The following CYGB variants were observed in gnomAD, a reference collection of about 807,000 sequenced individuals.
CYGB encodes histoglobin.
CYGB carries 13 observed loss-of-function variants against 20.7 expected under a neutral mutation model. That is an observed-to-expected ratio of 0.63 (90% CI 0.41 to 1.00). CYGB has a LOEUF of 1.00. CYGB is among the 50% of genes least tolerant of loss of function. The pLI, the probability that CYGB is intolerant of heterozygous loss-of-function variation, is 0.00. For synonymous variants in CYGB, 93 were observed against 107.4 expected (o/e 0.87, Z 0.83); for missense variants, 218 against 257.2 (o/e 0.85, Z 1.04).
At chr17:76,550,776 C>G (rs2143219785) in intron 1 of CYGB, 1 of 152,288 alleles carries the variant, frequency 6.6e-6, no homozygotes, top group Non-Finnish European at 1.5e-5. Context: ...AGCAGAAAAG[C>G]CAGACATACA....
At chr17:76,538,135 C>G (rs1161492840), upstream of CYGB, 2 of 158,198 alleles carry the variant, frequency 1.3e-5, no homozygotes, top group African/African-American at 4.8e-5. Flanking sequence ...GACTCAAAGT[C>G]CAACACTCCC....
chr17:76,531,923 C>T lies in CYGB; in HGVS notation c.144-232G>A, dbSNP rs930582. On this transcript the variant is annotated intron_variant, in intron 1 of 3. Coordinates refer to ENST00000293230, the MANE Select transcript of CYGB (RefSeq NM_134268.5). This position sits in a 1 kb window ranked among gnomAD's most constrained non-coding sequence, Gnocchi z 7.4. The stretch of plus-strand genomic sequence containing the variant: ...TATCTGCCAGGCTTGCTCAGGCTGG[C>T]GGCTTCATCTCCTAGGCCTCTGTCT... The T allele has an allele frequency of 2.8e-5, 13 of 472,332 alleles. No individual in the cohort carries two copies. Among genetic ancestry groups the T allele is most frequent in the Admixed American group, 1.1e-4 (3 of 27,476 alleles). The allele number at this position is 472,332 out of a possible 1,614,324, so 29.3% of individuals were successfully genotyped here.
At chr17:76,535,197 G>A (rs2074902047) in intron 1 of CYGB, among the ~76,000 whole-genome samples, 1 of 152,240 alleles carries the variant, frequency 6.6e-6, no homozygotes, top group African/African-American at 2.4e-5. Context: ...CAGGTTGGGG[G>A]TGTGGAAGTG....
In CYGB at chr17:76,531,771, TG is replaced by T. The variant is rs778714991; in HGVS notation, c.144-81del. 2.1e-3 allele frequency: 2,437 copies of T among 1,159,684 alleles called. 4 individuals carry two copies. The highest frequency in any genetic ancestry group is 3.3e-3 in the Middle Eastern group (16 of 4,888). The allele number at this position is 1,159,684 out of a possible 1,614,324, so 71.8% of individuals were successfully genotyped here. ...CTGAAGCTTCCAGGATAGTGGGGGC[TG>T]AAGAAGTGGACCGCAGTGCTCCCCA... On this transcript the variant is annotated intron_variant, in intron 1 of 3. Coordinates refer to ENST00000293230, the MANE Select transcript of CYGB (RefSeq NM_134268.5). The surrounding 1 kb of genome is among the most constrained non-coding windows in gnomAD (Gnocchi z 7.4).
intron 1 of CYGB, among the ~76,000 whole-genome samples, chr17:76,536,827 T>C (rs2074919053): frequency 6.6e-6 from 1 of 152,210 alleles, no homozygotes; most frequent in Admixed American, 6.5e-5. Context: ...GTGCCTGCCC[T>C]GGGCGCTCCT....
At chr17:76,535,459 C>G (rs2074904060) in intron 1 of CYGB, among the ~76,000 whole-genome samples, 1 of 152,074 alleles carries the variant, frequency 6.6e-6, no homozygotes, top group African/African-American at 2.4e-5. Flanking sequence ...TGGACAGAGA[C>G]AGGAGGAGAG....
In CYGB at chr17:76,527,748, T is replaced by TC. The variant is rs2074784328; in HGVS notation, c.*829dup. The TC allele has an allele frequency of 4.4e-6, 2 of 453,856 alleles. No individual in the cohort carries two copies. The highest frequency in any genetic ancestry group is 3.1e-5 in the South Asian group (2 of 64,480). 28.1% of individuals were successfully genotyped at this position (453,856 alleles called of 1,614,324 possible). On this transcript the variant is annotated 3_prime_UTR_variant, in exon 4 of 4. Coordinates refer to ENST00000293230, the MANE Select transcript of CYGB (RefSeq NM_134268.5). ...TGGCCAAGGCAGGTGGAGCTAGCGG[T>TC]CGAGGTTTCTGGACTGAGGCCCCTC...
chr17:76,548,509 G>A (rs2075078435), intron 1 of CYGB, among the ~76,000 whole-genome samples: 1 of 152,236 alleles, frequency 6.6e-6, no homozygotes. Context: ...CCCCAGCCTC[G>A]GTGGCCTAGT....
rs1461299560 is a variant in CYGB at position 76,533,848 on chromosome 17, A to G, written c.144-2157T>C. 1.3e-5 allele frequency among the ~76,000 whole-genome samples: 2 copies of G among 152,132 alleles called. No homozygotes were observed. The highest frequency in any genetic ancestry group is 2.9e-5 in the Non-Finnish European group (2 of 68,014). ...AGTTTGAGACCAGCCTGGGCAACAT[A>G]GTGAGATCCTGTCTCCAGAAAAAAA... is the stretch of plus-strand genomic sequence containing the variant. On this transcript the variant is annotated intron_variant, in intron 1 of 3. Coordinates refer to ENST00000293230, the MANE Select transcript of CYGB (RefSeq NM_134268.5). The surrounding 1 kb of genome is among the most constrained non-coding windows in gnomAD (Gnocchi z 4.5).
rs1404637737 is a variant in CYGB at position 76,530,618 on chromosome 17, C to G, written c.539+361G>C. On this transcript the variant is annotated intron_variant, in intron 3 of 3. Transcript: ENST00000293230. This position sits in a 1 kb window ranked among gnomAD's most constrained non-coding sequence, Gnocchi z 6.1. ...CCCAGGGAGGAAGTGGCTGGGCTGA[C>G]CTGGGCTGCCTCCGAGCCTGATGAT... Among the ~76,000 whole-genome samples, 1 of 152,180 alleles carries G rather than the reference C, an allele frequency of 6.6e-6. No homozygotes were observed.
upstream of CYGB, chr17:76,538,419 T>C (rs2074948428): frequency 2.3e-6 from 1 of 439,744 alleles, no homozygotes; most frequent in African/African-American, 2.1e-5. Context: ...GCGCCCCCTC[T>C]CCTTCCGCCC....
At chr17:76,536,922 G>T (rs1567908870) in intron 1 of CYGB, among the ~76,000 whole-genome samples, 1 of 152,184 alleles carries the variant, frequency 6.6e-6, no homozygotes, top group Non-Finnish European at 1.5e-5. Context: ...TCTGCTCTTT[G>T]CTCTCTGTTC....
At chr17:76,537,371 A>C (rs2074929769) in intron 1 of CYGB, 29 bp downstream of exon 1, 1 of 1,567,420 alleles carries the variant, frequency 6.4e-7, no homozygotes, top group African/African-American at 1.4e-5. Flanking sequence ...CTCCCTGCCC[A>C]GGGCCCGGCC....
rs1598203503 is a variant in CYGB at position 76,531,981 on chromosome 17, A to C, written c.144-290T>G. On this transcript the variant is annotated intron_variant, in intron 1 of 3. Transcript: ENST00000293230. This position sits in a 1 kb window ranked among gnomAD's most constrained non-coding sequence, Gnocchi z 7.4. ...TTCTTGCTTCCTTCCCAAACTCTAC[A>C]CCCCCTTCAAGCCCTGCTCTAGTCA... is the stretch of plus-strand genomic sequence containing the variant. 9.6e-6 allele frequency: 3 copies of C among 311,698 alleles called. No homozygotes were observed. The highest frequency in any genetic ancestry group is 1.2e-5 in the Non-Finnish European group (2 of 166,318). The allele number at this position is 311,698 out of a possible 1,614,324, so 19.3% of individuals were successfully genotyped here. A position where few individuals can be genotyped will look rare whatever the true frequency, so the allele number is the denominator to read the frequency against.
chr17:76,542,917 G>A, intron 1 of CYGB: 1 of 575,246 alleles, frequency 1.7e-6, no homozygotes, highest in East Asian at 4.1e-5. Flanking sequence ...CATGAGGGCA[G>A]TGTCGGAGGA....
upstream of CYGB, chr17:76,542,582 C>A (rs772708999): frequency 1.2e-6 from 2 of 1,614,188 alleles, no homozygotes; most frequent in South Asian, 2.2e-5. Context: ...TAAGCCCTCA[C>A]CTCTGCAGGT....
upstream of CYGB, chr17:76,542,494 T>C (rs2075003316): frequency 6.2e-7 from 1 of 1,603,628 alleles, no homozygotes; most frequent in African/African-American, 1.3e-5. Context: ...AAGAGGAGAG[T>C]CAGAAACATG....
At chr17:76,545,132 C>T (rs1322981400) in intron 1 of CYGB, 1 of 456,618 alleles carries the variant, frequency 2.2e-6, no homozygotes, top group Non-Finnish European at 4.4e-6. Flanking sequence ...TCCCCGCACA[C>T]CCAGCCCACG....
At position 76,528,781 on chromosome 17, in the gene CYGB, G is replaced by A. The variant is rs2074797367; in HGVS notation, c.540-170C>T. ...CAAGTTCTAGTCTCCGTCCTGCTAC[G>A]AACGTGCTGTGTGATCTCAGGCAAG... On this transcript the variant is annotated intron_variant, in intron 3 of 3. Transcript: ENST00000293230. This position sits in a 1 kb window ranked among gnomAD's most constrained non-coding sequence, Gnocchi z 5.8. 6.9e-6 allele frequency: 7 copies of A among 1,010,710 alleles called. No homozygotes were observed. Among genetic ancestry groups the A allele is most frequent in the South Asian group, 1.0e-4 (2 of 19,062 alleles). 62.6% of individuals were successfully genotyped at this position (1,010,710 alleles called of 1,614,324 possible). A position where few individuals can be genotyped will look rare whatever the true frequency, so the allele number is the denominator to read the frequency against.
Sources: gnomAD v4.1 joint callset for allele counts (sites outside exome capture counted in the v4.1 genomes callset) on GRCh38, gnomAD v4.1.1 for gene constraint, Gnocchi (gnomAD v3.1) non-coding constraint, MANE v1.5 for transcripts, NCBI Gene and HGNC (gene_info 2026-07-23, HGNC 2026-07-21) for gene names.